Variants in TBC1D5 observed in about 807,000 individuals in gnomAD.
The protein encoded by TBC1D5 is TBC1 domain family, member 5.
In TBC1D5, 75 loss-of-function variants were observed where a neutral mutation model predicts 100.3. The ratio of observed to expected loss-of-function variants is 0.75; its 90% confidence interval spans 0.62 to 0.91. The LOEUF (loss-of-function observed/expected upper bound fraction) is 0.91. Ranked by LOEUF, TBC1D5 falls within the 40% of genes least tolerant of loss-of-function variation. The pLI is 0.00. For synonymous variants in TBC1D5, 323 were observed against 325.6 expected (o/e 0.99, Z 0.09); for missense variants, 910 against 942.4 (o/e 0.97, Z 0.45).
In TBC1D5 at chr3:17,493,286, T is replaced by C. The variant is rs191154165; in HGVS notation, c.97+15188A>G. On this transcript the variant is annotated intron_variant, in intron 3 of 21. Coordinates refer to ENST00000253692, the Ensembl canonical transcript of TBC1D5. ...TTGGCCTCCAATCTCTTCCGGCTTG[T>C]AGGATTTCCACTGAGAAATCCTCTC... 1.2e-3 allele frequency among the ~76,000 whole-genome samples: 182 copies of C among 152,220 alleles called. 3 individuals carry two copies. The highest frequency in any genetic ancestry group is 4.0e-3 in the African/African-American group (167 of 41,532).
intron 2 of TBC1D5, among the ~76,000 whole-genome samples, chr3:17,572,673 A>C (rs2096634772): frequency 6.6e-6 from 1 of 152,036 alleles, no homozygotes; most frequent in South Asian, 2.1e-4. Flanking sequence ...TTGCTTACCA[A>C]GGCACATTAC....
intron 1 of TBC1D5, among the ~76,000 whole-genome samples, chr3:17,657,778 C>G (rs1003774464): frequency 6.6e-6 from 1 of 152,184 alleles, no homozygotes; most frequent in African/African-American, 2.4e-5. Context: ...CTCTCAACAC[C>G]TATCTTATTT....
intron 17 of TBC1D5, among the ~76,000 whole-genome samples, chr3:17,235,793 A>G (rs940593460): frequency 1.3e-5 from 2 of 152,202 alleles, no homozygotes; most frequent in South Asian, 2.1e-4. Context: ...ACTATCTTCT[A>G]TCGTCTACTT....
intron 1 of TBC1D5, among the ~76,000 whole-genome samples, chr3:17,671,267 T>A (rs745857657): frequency 1.3e-5 from 2 of 152,160 alleles, no homozygotes; most frequent in African/African-American, 4.8e-5. Context: ...TGCAGTCAAG[T>A]TTGAGGGTGC....
intron 1 of TBC1D5, among the ~76,000 whole-genome samples, chr3:17,668,492 A>G (rs1048118345): frequency 6.6e-6 from 1 of 152,224 alleles, no homozygotes; most frequent in East Asian, 1.9e-4. Flanking sequence ...AAAGTAATAA[A>G]CAATTATGTT....
chr3:17,257,057 T>C (rs2077772146), intron 16 of TBC1D5, among the ~76,000 whole-genome samples: 1 of 151,984 alleles, frequency 6.6e-6, no homozygotes, highest in Non-Finnish European at 1.5e-5. Flanking sequence ...GGAAAGGGCT[T>C]CAGGAAGAAG....
intron 2 of TBC1D5, among the ~76,000 whole-genome samples, chr3:17,542,761 T>G (rs2096371160): frequency 6.6e-6 from 1 of 152,224 alleles, no homozygotes; most frequent in Non-Finnish European, 1.5e-5. Flanking sequence ...TACATTACTT[T>G]TATCAATTTC....
At chr3:17,404,728 A>C in exon 7 of TBC1D5, 2 of 1,608,098 alleles carry the variant, frequency 1.2e-6, no homozygotes, top group Non-Finnish European at 1.7e-6. Flanking sequence ...ATTGATCATC[A>C]AATCTTGTTG....
At chr3:17,700,575 A>G (rs1367843625) in intron 1 of TBC1D5, among the ~76,000 whole-genome samples, 2 of 152,288 alleles carry the variant, frequency 1.3e-5, no homozygotes, top group African/African-American at 4.8e-5. Context: ...TTTGCAATCT[A>G]CTCATCTGAC....
chr3:17,486,919 C>G (rs1393747623), intron 3 of TBC1D5, among the ~76,000 whole-genome samples: 2 of 152,172 alleles, frequency 1.3e-5, no homozygotes, highest in Non-Finnish European at 2.9e-5. Flanking sequence ...GGTGGCTTCT[C>G]TAGTGGTGGT....
At chr3:17,357,003 AAAAT>A (rs1469136598) in intron 13 of TBC1D5, among the ~76,000 whole-genome samples, 1 of 152,292 alleles carries the variant, frequency 6.6e-6, no homozygotes, top group South Asian at 2.1e-4. Context: ...ATAAAAAAAA[AAAAT>A]AGTGACACTA....
intron 15 of TBC1D5, among the ~76,000 whole-genome samples, chr3:17,263,407 GAAGA>G (rs974913339): frequency 1.4e-5 from 2 of 147,680 alleles, no homozygotes; most frequent in Non-Finnish European, 3.0e-5. Context: ...AAAAAGAAAT[GAAGA>G]AAGAAAAAAG....
intron 2 of TBC1D5, among the ~76,000 whole-genome samples, chr3:17,569,845 T>G (rs1337093272): frequency 3.3e-5 from 5 of 151,778 alleles, no homozygotes; most frequent in Admixed American, 3.3e-4. Context: ...CTACTATATA[T>G]TCTAAAAAAC....
intron 1 of TBC1D5, among the ~76,000 whole-genome samples, chr3:17,666,895 G>A (rs1415089511): frequency 2.0e-5 from 3 of 151,952 alleles, no homozygotes; most frequent in Non-Finnish European, 4.4e-5. Flanking sequence ...ACAATTACTA[G>A]TATTAGATCT....
intron 2 of TBC1D5, among the ~76,000 whole-genome samples, chr3:17,599,434 C>T (rs951340796): frequency 4.6e-5 from 7 of 152,084 alleles, no homozygotes; most frequent in African/African-American, 1.2e-4. Context: ...TTGAACTCCA[C>T]GGGAAGATTA....
chr3:17,380,961 G>A (rs76495369), intron 9 of TBC1D5, among the ~76,000 whole-genome samples: 1 of 152,082 alleles, frequency 6.6e-6, no homozygotes, highest in Admixed American at 6.6e-5. Flanking sequence ...TTAACAGCTT[G>A]TGATGAAACT....
In TBC1D5 at chr3:17,600,531, C is replaced by T. The variant is rs146334185; in HGVS notation, c.-36+23318G>A. Among the ~76,000 whole-genome samples the T allele has an allele frequency of 2.7e-4, 41 of 152,000 alleles. No homozygotes were observed. The East Asian group carries it at 6.2e-3, about 23-fold the overall frequency. On this transcript the variant is annotated intron_variant, in intron 2 of 21. Transcript: ENST00000253692. ...TGCAAGATTATTACTATGGTCTCAT[C>T]GCAGTAAAATGTTTAAAAATAATAA...
chr3:17,512,657 T>C (rs2095926076), intron 2 of TBC1D5, among the ~76,000 whole-genome samples: 1 of 152,214 alleles, frequency 6.6e-6, no homozygotes, highest in Non-Finnish European at 1.5e-5. Flanking sequence ...AGCATAGTAA[T>C]ACACCTTCCA....
intron 2 of TBC1D5, among the ~76,000 whole-genome samples, chr3:17,617,769 A>G (rs2062301117): frequency 6.6e-6 from 1 of 152,172 alleles, no homozygotes; most frequent in East Asian, 1.9e-4. Context: ...GGTCTTCTCT[A>G]TGCTGTTTAT....
Sources: allele counts gnomAD v4.1 joint callset (sites outside exome capture counted in the v4.1 genomes callset), GRCh38; gene constraint gnomAD v4.1.1; transcripts MANE v1.5; gene names NCBI Gene and HGNC (gene_info 2026-07-23, HGNC 2026-07-21).